The following PCDHA4 variants were observed in gnomAD, a reference collection of about 807,000 sequenced individuals.
PCDHA4 encodes the protein protocadherin alpha-4.
Under a neutral mutation model 61.4 loss-of-function variants are expected in PCDHA4, and 49 were observed. The observed-to-expected ratio is 0.80, with a 90% CI of 0.63 to 1.01. The LOEUF is 1.01. PCDHA4 is among the 50% of genes least tolerant of loss of function. The probability of loss-of-function intolerance (pLI) is 0.00; values close to 1 mark genes in which losing one functional copy is unlikely to be tolerated. For synonymous variants in PCDHA4, 590 were observed against 550.3 expected (o/e 1.07, Z -1.01); for missense variants, 1,254 against 1,235.8 (o/e 1.01, Z -0.22).
chr5:140,823,937 G>C lies in PCDHA4; in HGVS notation c.2385+14365G>C, dbSNP rs2150130560. On this transcript the variant is annotated intron_variant, in intron 1 of 3. Transcript: ENST00000530339. ...ACGCTGCTGCTGTACACCGCGCTGC[G>C]GTGCTCGGCGCAGCCCACCGAGGCC... 10 of 1,613,906 alleles carry C rather than the reference G, an allele frequency of 6.2e-6. No individual in the cohort carries two copies. In the East Asian group the frequency reaches 2.2e-4, roughly 36 times the overall value.
At chr5:140,867,109 A>G (rs2049756406) in intron 1 of PCDHA4, 3 of 152,146 alleles carry the variant, frequency 2.0e-5, no homozygotes, top group South Asian at 2.1e-4. Context: ...CTAAATTAAC[A>G]TATTGTTTTA....
chr5:140,887,728 C>T (rs1313632263), intron 1 of PCDHA4, among the ~76,000 whole-genome samples: 1 of 151,970 alleles, frequency 6.6e-6, no homozygotes, highest in Non-Finnish European at 1.5e-5. Context: ...TTTTTCTTTC[C>T]TTCCATCCTT....
chr5:140,977,876 G>A (rs1425308379), intron 1 of PCDHA4, among the ~76,000 whole-genome samples: 3 of 152,190 alleles, frequency 2.0e-5, no homozygotes, highest in Non-Finnish European at 2.9e-5. Flanking sequence ...TAAGTATAAT[G>A]TAGAGGAAAA....
chr5:140,830,339 T>C, intron 1 of PCDHA4: 1 of 1,613,958 alleles, frequency 6.2e-7, no homozygotes, highest in Non-Finnish European at 8.5e-7. Flanking sequence ...GAGCTGGTCG[T>C]ACTCGCAGCA....
At chr5:140,829,291 C>A (rs1224318047) in intron 1 of PCDHA4, 1 of 1,614,130 alleles carries the variant, frequency 6.2e-7, no homozygotes, top group Non-Finnish European at 8.5e-7. Context: ...TGGTGTCCAC[C>A]TTCAAGAATT....
At chr5:140,896,811 T>G (rs2065758053) in intron 1 of PCDHA4, among the ~76,000 whole-genome samples, 1 of 152,266 alleles carries the variant, frequency 6.6e-6, no homozygotes, top group African/African-American at 2.4e-5. Flanking sequence ...GGTTGTCTGT[T>G]TACTCTGTTC....
chr5:140,857,035 G>A (rs1358871197), intron 1 of PCDHA4: 4 of 1,596,218 alleles, frequency 2.5e-6, no homozygotes, highest in Non-Finnish European at 3.4e-6. Context: ...ACCCACCTAT[G>A]GTTGGTCACT....
intron 1 of PCDHA4, among the ~76,000 whole-genome samples, chr5:140,975,280 T>C (rs914764307): frequency 6.6e-6 from 1 of 152,252 alleles, no homozygotes; most frequent in Non-Finnish European, 1.5e-5. Flanking sequence ...CTCTGACCTC[T>C]AGACCCAGAT....
At chr5:140,958,218 A>C (rs1240262632) in intron 1 of PCDHA4, among the ~76,000 whole-genome samples, 2 of 152,120 alleles carry the variant, frequency 1.3e-5, no homozygotes, top group Admixed American at 1.3e-4. Flanking sequence ...TTAGATTTTA[A>C]AGGACTTTCA....
intron 1 of PCDHA4, among the ~76,000 whole-genome samples, chr5:140,901,939 A>G (rs1583441166): frequency 6.6e-6 from 1 of 151,884 alleles, no homozygotes; most frequent in Non-Finnish European, 1.5e-5. Flanking sequence ...TCCTAGGTAT[A>G]TTTAGTTTTA....
Position 140,809,026 on chromosome 5 carries a change from G to T in PCDHA4, c.1839G>T (p.Pro613=). Residue 613 remains proline (P), a synonymous_variant, in exon 1 of 4, where the codon CCG becomes CCT. Coordinates refer to ENST00000530339, the MANE Select transcript of PCDHA4 (RefSeq NM_018907.4). The part of the protein sequence containing the change: ...YNAWLSYELQ[P]GTGGARIPFR... ...CGTGGCTTTCGTACGAGCTGCAGCCGGGGACTGGTGGCGCGCGCATCCCGT... is the reference window on the plus strand; with the variant it reads ...CGTGGCTTTCGTACGAGCTGCAGCCTGGGACTGGTGGCGCGCGCATCCCGT... 1 of 1,613,446 alleles carries T rather than the reference G, an allele frequency of 6.2e-7. No homozygotes were observed. Among genetic ancestry groups the T allele is most frequent in the Non-Finnish European group, 8.5e-7 (1 of 1,179,630 alleles).
intron 1 of PCDHA4, chr5:140,815,025 C>T (rs1481825533): frequency 4.6e-5 from 7 of 152,110 alleles, no homozygotes; most frequent in African/African-American, 1.7e-4. Flanking sequence ...CTTTTGGTTA[C>T]AATTTGCATG....
intron 3 of PCDHA4, among the ~76,000 whole-genome samples, chr5:141,007,425 A>G (rs369535619): frequency 6.6e-4 from 98 of 148,834 alleles, no homozygotes; most frequent in African/African-American, 2.3e-3. Context: ...AAAATTAGCC[A>G]GGCATGGTGG....
At chr5:140,915,841 G>A (rs1315300132) in intron 1 of PCDHA4, among the ~76,000 whole-genome samples, 1 of 152,098 alleles carries the variant, frequency 6.6e-6, no homozygotes, top group African/African-American at 2.4e-5. Context: ...GATCAGCAGG[G>A]GGTGACACCA....
At chr5:141,001,971 G>C (rs1240624295) in intron 3 of PCDHA4, among the ~76,000 whole-genome samples, 2 of 152,186 alleles carry the variant, frequency 1.3e-5, no homozygotes, top group Admixed American at 1.3e-4. Flanking sequence ...GGGTGTCTCT[G>C]CGCGGAAAGC....
chr5:140,968,798 G>A, intron 1 of PCDHA4: 3 of 1,614,232 alleles, frequency 1.9e-6, no homozygotes, highest in Non-Finnish European at 2.5e-6. Context: ...GGCCATTACA[G>A]TAGCTGTGGT....
intron 1 of PCDHA4, among the ~76,000 whole-genome samples, chr5:140,955,510 T>G (rs1554221967): frequency 6.6e-6 from 1 of 152,154 alleles, no homozygotes; most frequent in Non-Finnish European, 1.5e-5. Context: ...AAAGACGTGT[T>G]TGCTTTCCCT....
intron 1 of PCDHA4, chr5:140,882,798 A>AT: frequency 6.2e-7 from 1 of 1,614,236 alleles, no homozygotes; most frequent in Non-Finnish European, 8.5e-7. Flanking sequence ...CCCAACGATT[A>AT]TTTCACTTTG....
At chr5:140,840,358 G>A (rs1180450322) in intron 1 of PCDHA4, among the ~76,000 whole-genome samples, 1 of 151,928 alleles carries the variant, frequency 6.6e-6, no homozygotes, top group East Asian at 1.9e-4. Flanking sequence ...AGGTAAAAAT[G>A]TCAGGTAGAA....
Sources: gnomAD v4.1 joint callset for allele counts (sites outside exome capture counted in the v4.1 genomes callset) on GRCh38, gnomAD v4.1.1 for gene constraint, MANE v1.5 for transcripts, NCBI Gene and HGNC (gene_info 2026-07-23, HGNC 2026-07-21) for gene names.